The following FRMD6 variants were observed in gnomAD, a reference collection of about 807,000 sequenced individuals.
FRMD6 encodes the protein FERM domain containing 6, also known as FERM domain-containing protein 6.
FRMD6 carries 37 observed loss-of-function variants against 73.2 expected under a neutral mutation model. That is an observed-to-expected ratio of 0.51 (90% CI 0.39 to 0.66). FRMD6 has a LOEUF of 0.66. Ranked by LOEUF, FRMD6 falls within the 30% of genes least tolerant of loss-of-function variation. The probability of loss-of-function intolerance (pLI) is 0.00; values close to 1 mark genes in which losing one functional copy is unlikely to be tolerated. For synonymous variants in FRMD6, 273 were observed against 282.2 expected, an observed-to-expected ratio of 0.97 and a Z score of 0.33; for missense variants, 714 against 780.5, an observed-to-expected ratio of 0.91 and a Z score of 1.02.
chr14:51,469,638 AAG>A, the FRMD6 span, among the ~76,000 whole-genome samples: 1 of 151,474 alleles, frequency 6.6e-6, no homozygotes, highest in South Asian at 2.1e-4. Context: ...AAAAAAAAAA[AAG>A]CTACTTTGCC....
chr14:51,581,061 G>A (rs1888693787), intron 2 of FRMD6, among the ~76,000 whole-genome samples: 1 of 152,188 alleles, frequency 6.6e-6, no homozygotes, highest in African/African-American at 2.4e-5. Flanking sequence ...GGCTGCCACA[G>A]TACCATAGAA....
chr14:51,494,878 A>G (rs1883206703), intron 1 of FRMD6, among the ~76,000 whole-genome samples: 1 of 152,160 alleles, frequency 6.6e-6, no homozygotes, highest in African/African-American at 2.4e-5. Flanking sequence ...CTTGTCAACT[A>G]TCGTTGTCAT....
In FRMD6 at chr14:51,570,095, GTGAGCCACTGCGCCCGGCCCA is replaced by G. The variant is rs1389394679; in HGVS notation, c.-209-244_-209-224del. On this transcript the variant is annotated intron_variant, in intron 1 of 14. Coordinates refer to the FRMD6 transcript ENST00000356218. Reference sequence around the variant, plus strand: ...CTCCCAAAGTGCTGGGATTACAGACGTGAGCCACTGCGCCCGGCCCATGAGCCACCGTGCCCGGCGGAGAAT... The same window carrying G: ...CTCCCAAAGTGCTGGGATTACAGACGTGAGCCACCGTGCCCGGCGGAGAAT... 4.6e-5 allele frequency among the ~76,000 whole-genome samples: 7 copies of G among 152,126 alleles called. No individual in the cohort carries two copies. In the East Asian group the frequency reaches 7.7e-4, roughly 17 times the overall value.
At chr14:51,437,915 T>C in the FRMD6 span, among the ~76,000 whole-genome samples, 2 of 152,242 alleles carry the variant, frequency 1.3e-5, no homozygotes, top group Non-Finnish European at 2.9e-5. Flanking sequence ...CTGGAAGTTG[T>C]GAGGCCTCTG....
rs186496456 is a variant in FRMD6 at position 51,695,994 on chromosome 14, A to C, written c.100-2148A>C. Among the ~76,000 whole-genome samples the C allele has an allele frequency of 1.3e-3, 202 of 152,244 alleles. 1 individual carries two copies. The highest frequency in any genetic ancestry group is 4.5e-3 in the African/African-American group (187 of 41,554). On this transcript the variant is annotated intron_variant, in intron 2 of 13. Transcript: ENST00000344768. Reference sequence around the variant, plus strand: ...TCATTAATTCAGAGTTAATTTTTAGAATTTATAATAACTTAAACTCATTAT... The same window carrying C: ...TCATTAATTCAGAGTTAATTTTTAGCATTTATAATAACTTAAACTCATTAT...
chr14:51,662,832 A>G (rs1893315238), intron 1 of FRMD6, among the ~76,000 whole-genome samples: 2 of 152,240 alleles, frequency 1.3e-5, no homozygotes, highest in South Asian at 2.1e-4. Flanking sequence ...GAAACTGTCA[A>G]CAGAGTGAAC....
At chr14:51,633,145 T>A (rs1236618511) in intron 2 of FRMD6, among the ~76,000 whole-genome samples, 5 of 152,118 alleles carry the variant, frequency 3.3e-5, no homozygotes, top group Non-Finnish European at 5.9e-5. Context: ...GGATTTTTTT[T>A]AACAAGTCTT....
chr14:51,492,864 G>A (rs1883096775), intron 1 of FRMD6, among the ~76,000 whole-genome samples: 3 of 152,230 alleles, frequency 2.0e-5, no homozygotes, highest in South Asian at 2.1e-4. Flanking sequence ...GAGGCGGCAT[G>A]TAAATGGGGG....
chr14:51,469,148 G>A, the FRMD6 span, among the ~76,000 whole-genome samples: 1 of 151,762 alleles, frequency 6.6e-6, no homozygotes, highest in African/African-American at 2.4e-5. Context: ...CACCGTGTTA[G>A]CCAGGATAGT....
At chr14:51,613,318 T>A (rs1890586120) in intron 2 of FRMD6, among the ~76,000 whole-genome samples, 1 of 152,032 alleles carries the variant, frequency 6.6e-6, no homozygotes, top group Non-Finnish European at 1.5e-5. Context: ...TGTTTGCATG[T>A]GTGGGTGTGG....
the FRMD6 span, among the ~76,000 whole-genome samples, chr14:51,438,316 G>T: frequency 6.6e-6 from 1 of 152,182 alleles, no homozygotes; most frequent in African/African-American, 2.4e-5. Context: ...ATTCTCTATC[G>T]TAATTTTGTT....
chr14:51,716,550 T>G (rs1334650405), intron 10 of FRMD6, among the ~76,000 whole-genome samples: 2 of 152,138 alleles, frequency 1.3e-5, no homozygotes, highest in African/African-American at 4.8e-5. Context: ...ACAAAAGACC[T>G]TGTAGAGGTT....
the FRMD6 span, among the ~76,000 whole-genome samples, chr14:51,400,360 G>T: frequency 6.6e-6 from 1 of 152,020 alleles, no homozygotes; most frequent in Non-Finnish European, 1.5e-5. Context: ...AGGTCATATG[G>T]TAACTGTTTC....
intron 2 of FRMD6, among the ~76,000 whole-genome samples, chr14:51,632,657 C>T (rs989769756): frequency 1.4e-4 from 22 of 152,116 alleles, no homozygotes; most frequent in African/African-American, 5.1e-4. Context: ...CTAAGATCTC[C>T]AAAAAGAATG....
At chr14:51,662,141 CTT>C (rs910080019) in intron 1 of FRMD6, among the ~76,000 whole-genome samples, 3 of 152,126 alleles carry the variant, frequency 2.0e-5, no homozygotes, top group African/African-American at 2.4e-5. Context: ...TGTTTAAAGA[CTT>C]TTTCATTTCT....
intron 1 of FRMD6, among the ~76,000 whole-genome samples, chr14:51,685,000 G>A (rs2140326873): frequency 6.6e-6 from 1 of 152,240 alleles, no homozygotes; most frequent in Middle Eastern, 3.4e-3. Context: ...GCATGAGTTA[G>A]TCACAGCACC....
At chr14:51,614,953 A>G (rs1261819440) in intron 2 of FRMD6, among the ~76,000 whole-genome samples, 2 of 152,224 alleles carry the variant, frequency 1.3e-5, no homozygotes, top group Non-Finnish European at 2.9e-5. Context: ...AAGAGAGGCC[A>G]TAAGGTTGAG....
chr14:51,517,327 G>A (rs879553591), intron 1 of FRMD6, among the ~76,000 whole-genome samples: 8 of 151,892 alleles, frequency 5.3e-5, no homozygotes, highest in Admixed American at 1.3e-4. Context: ...GCAGTAATGA[G>A]TTTTCCAATC....
intron 1 of FRMD6, among the ~76,000 whole-genome samples, chr14:51,534,368 C>T (rs1885765760): frequency 6.6e-6 from 1 of 152,192 alleles, no homozygotes. Flanking sequence ...TACAACAGTG[C>T]TGCATGATTG....
Sources: gnomAD v4.1 joint callset for allele counts (sites outside exome capture counted in the v4.1 genomes callset) on GRCh38, gnomAD v4.1.1 for gene constraint, MANE v1.5 for transcripts, NCBI Gene and HGNC (gene_info 2026-07-23, HGNC 2026-07-21) for gene names.